KLHL1: variants seen among roughly 807,000 people sequenced by gnomAD.
KLHL1 encodes the protein kelch-like protein 1.
A neutral mutation model predicts 77.7 loss-of-function variants in KLHL1; 47 were observed. The observed-to-expected ratio is 0.60, with a 90% confidence interval of 0.48 to 0.77. The LOEUF (loss-of-function observed/expected upper bound fraction) is 0.77. Among genes scored for constraint, KLHL1 ranks in the 30% least tolerant of loss-of-function variants. KLHL1 has a pLI of 0.00. For synonymous variants in KLHL1, 360 were observed against 325.2 expected, an observed-to-expected ratio of 1.11 and a Z score of -1.15; for missense variants, 925 against 910.8, an observed-to-expected ratio of 1.02 and a Z score of -0.20.
intron 3 of KLHL1, among the ~76,000 whole-genome samples, chr13:69,952,819 T>A (rs79096720): frequency 0.01 from 1,563 of 151,412 alleles, 27 homozygotes; most frequent in African/African-American, 0.035. Context: ...TAAGTGGTAA[T>A]TTACAGAAGT....
At chr13:69,707,555 C>T (rs1157715552) in intron 10 of KLHL1, 70 bp downstream of exon 10, 14 of 1,409,870 alleles carry the variant, frequency 9.9e-6, no homozygotes, top group Middle Eastern at 2.2e-4. Context: ...GTTTGTATAC[C>T]CCTCCTCCAC....
At chr13:69,890,627 T>A (rs1881389795) in intron 4 of KLHL1, among the ~76,000 whole-genome samples, 1 of 150,548 alleles carries the variant, frequency 6.6e-6, no homozygotes, top group South Asian at 2.1e-4. Context: ...ATATTAATAT[T>A]TTTCTTCCAC....
intron 6 of KLHL1, among the ~76,000 whole-genome samples, chr13:69,805,695 A>C (rs553288308): frequency 1.3e-5 from 2 of 151,394 alleles, no homozygotes; most frequent in Non-Finnish European, 3.0e-5. Flanking sequence ...AAAAAACAAA[A>C]AAAAAAACAA....
chr13:70,101,585 C>T (rs547970396), intron 1 of KLHL1, among the ~76,000 whole-genome samples: 146 of 152,168 alleles, frequency 9.6e-4, no homozygotes, highest in Non-Finnish European at 1.7e-3. Flanking sequence ...CTTGCCACCA[C>T]GCTTGGCTAA....
At chr13:69,762,161 A>T (rs1342145215) in intron 7 of KLHL1, among the ~76,000 whole-genome samples, 2 of 152,174 alleles carry the variant, frequency 1.3e-5, no homozygotes, top group Admixed American at 1.3e-4. Context: ...TCAGCAACAG[A>T]AGTACTTACT....
intron 1 of KLHL1, among the ~76,000 whole-genome samples, chr13:69,988,181 T>C (rs374969062): frequency 6.6e-6 from 1 of 152,024 alleles, no homozygotes; most frequent in South Asian, 2.1e-4. Flanking sequence ...TCGCATTACT[T>C]AGCTGCTACT....
chr13:69,924,946 C>G (rs7325546), intron 4 of KLHL1, among the ~76,000 whole-genome samples: 133,056 of 152,206 alleles, frequency 0.87, 59,196 homozygotes, highest in Non-Finnish European at 0.97. Context: ...TGCTCACCCT[C>G]CTGCAGTCAG....
rs117242842 is a variant in KLHL1, at chr13:69,917,121, G to A, written c.1014+22919C>T. On this transcript the variant is annotated intron_variant, in intron 4 of 10. Coordinates refer to ENST00000377844, the MANE Select transcript of KLHL1 (RefSeq NM_020866.3). ...ATATACACACAGATTTGTGGGGAGCGCTTGAAGAAAAAATAAAGTAATAAA... is the reference window on the plus strand; with the variant it reads ...ATATACACACAGATTTGTGGGGAGCACTTGAAGAAAAAATAAAGTAATAAA... 2.2e-3 allele frequency among the ~76,000 whole-genome samples: 341 copies of A among 151,830 alleles called. 2 individuals are homozygous for A. The highest frequency in any genetic ancestry group is 0.014 in the Middle Eastern group (4 of 292).
intron 5 of KLHL1, among the ~76,000 whole-genome samples, chr13:69,872,407 G>A: frequency 6.6e-6 from 1 of 152,182 alleles, no homozygotes; most frequent in East Asian, 1.9e-4. Flanking sequence ...GTTTCTGACA[G>A]ATCCCAGCAA....
intron 5 of KLHL1, among the ~76,000 whole-genome samples, chr13:69,874,595 C>A (rs932735365): frequency 3.3e-5 from 5 of 152,048 alleles, no homozygotes; most frequent in African/African-American, 1.2e-4. Flanking sequence ...TTAATGTCAT[C>A]ATTTTAATAT....
chr13:70,001,027 A>G lies in KLHL1; in HGVS notation c.498-25225T>C, dbSNP rs115287289. 2.6e-3 allele frequency among the ~76,000 whole-genome samples: 395 copies of G among 151,502 alleles called. 1 individual carries two copies. The highest frequency in any genetic ancestry group is 8.4e-3 in the African/African-American group (348 of 41,508). On this transcript the variant is annotated intron_variant, in intron 1 of 10. Transcript: ENST00000377844. ...AAAATATGGATAAGATAGAAATAGAAGATATTAGAGACAAAAAGTAAAGAA... is the reference window on the plus strand; with the variant it reads ...AAAATATGGATAAGATAGAAATAGAGGATATTAGAGACAAAAAGTAAAGAA...
intron 1 of KLHL1, among the ~76,000 whole-genome samples, chr13:70,091,910 T>G (rs1254655332): frequency 6.6e-6 from 1 of 152,134 alleles, no homozygotes; most frequent in Non-Finnish European, 1.5e-5. Flanking sequence ...TTTGCAACTG[T>G]TCCCTTCCTC....
intron 1 of KLHL1, among the ~76,000 whole-genome samples, chr13:70,030,342 A>G (rs1469480958): frequency 6.6e-6 from 1 of 152,196 alleles, no homozygotes; most frequent in Non-Finnish European, 1.5e-5. Flanking sequence ...CATAGTTGGA[A>G]GTAAAGCACT....
At chr13:69,875,426 C>A (rs188160759) in intron 5 of KLHL1, among the ~76,000 whole-genome samples, 100 of 152,112 alleles carry the variant, frequency 6.6e-4, no homozygotes, top group African/African-American at 2.4e-3. Flanking sequence ...AGTAGTGGAA[C>A]CCCTTTGGCA....
intron 1 of KLHL1, among the ~76,000 whole-genome samples, chr13:70,024,644 C>CTCTCTCTCTCTCTCTCTCTCTG (rs1566508912): frequency 9.4e-5 from 14 of 149,248 alleles, no homozygotes; most frequent in Admixed American, 8.8e-4. Flanking sequence ...CTCTCTCTCT[C>CTCTCTCTCTCTCTCTCTCTCTG]TCTCTCTCTC....
intron 1 of KLHL1, among the ~76,000 whole-genome samples, chr13:70,045,446 A>G (rs149974897): frequency 1.3e-5 from 2 of 152,254 alleles, no homozygotes; most frequent in East Asian, 3.9e-4. Context: ...AAAAAATACC[A>G]TCTGTCAGAA....
At chr13:69,890,255 T>C (rs1238939088) in intron 4 of KLHL1, among the ~76,000 whole-genome samples, 2 of 151,992 alleles carry the variant, frequency 1.3e-5, no homozygotes, top group Non-Finnish European at 1.5e-5. Flanking sequence ...AGAAAATGTT[T>C]GTAATAGATC....
Position 70,107,653 on chromosome 13 carries a change from C to T in KLHL1, c.47G>A (p.Arg16Gln), listed in dbSNP as rs764863092. ...GTGGCTGAAGAGTTTCCAGCGGAGT[C>T]GCAGAATGTGCTTCACATCGAAGTC... ...RKDFDVKHIL[R>Q]LRWKLFSHPS... The change falls in exon 1 of 11, where the codon CGA becomes CAA. Residue 16 changes from arginine (R) to glutamine (Q), a missense_variant. By Grantham distance (43) the Arg-to-Gln change is conservative (BLOSUM62 1). Transcript: ENST00000377844. 1.3e-6 allele frequency: 2 copies of T among 1,546,800 alleles called. No individual in the cohort carries two copies. Among genetic ancestry groups the T allele is most frequent in the East Asian group, 2.2e-5 (1 of 44,490 alleles).
chr13:69,884,938 T>TCTTTC, intron 4 of KLHL1, among the ~76,000 whole-genome samples: 1 of 127,994 alleles, frequency 7.8e-6, no homozygotes, highest in East Asian at 2.2e-4. Flanking sequence ...TCTTTTCTTT[T>TCTTTC]TTTTTTTTTT....
Sources: allele counts gnomAD v4.1 joint callset (sites outside exome capture counted in the v4.1 genomes callset), GRCh38; gene constraint gnomAD v4.1.1; transcripts MANE v1.5; gene names NCBI Gene and HGNC (gene_info 2026-07-23, HGNC 2026-07-21).